CLCN5: variants seen among roughly 807,000 people sequenced by gnomAD.
CLCN5 encodes H(+)/Cl(-) exchange transporter 5.
A neutral mutation model predicts 54.0 loss-of-function variants in CLCN5; 17 were observed. The observed-to-expected ratio is 0.31, with a 90% CI of 0.22 to 0.47. The LOEUF is 0.47. CLCN5 is among the 20% of genes least tolerant of loss of function. The pLI is 1.00. For synonymous variants in CLCN5, 222 were observed against 233.0 expected, an observed-to-expected ratio of 0.95 and a Z score of 0.43; for missense variants, 448 against 646.7, an observed-to-expected ratio of 0.69 and a Z score of 3.33.
intron 4 of CLCN5, among the ~76,000 whole-genome samples, chrX:50,068,898 G>A (rs1260441990): frequency 8.9e-6 from 1 of 112,097 alleles, no homozygotes; most frequent in Non-Finnish European, 1.9e-5. Flanking sequence ...TGTATTTTGT[G>A]TTTAATAGCA....
intron 3 of CLCN5, among the ~76,000 whole-genome samples, chrX:49,993,102 T>C (rs1005047295): frequency 4.5e-5 from 5 of 111,438 alleles, no homozygotes; most frequent in Non-Finnish European, 9.4e-5. Context: ...CCCAGTGGAT[T>C]TGGGTCTCTT....
intron 3 of CLCN5, among the ~76,000 whole-genome samples, chrX:49,988,511 A>G (rs1337948628): frequency 9.0e-6 from 1 of 110,609 alleles, no homozygotes; most frequent in Admixed American, 9.7e-5. Context: ...CACCTCATTT[A>G]TCCGTCCTTA....
chrX:50,016,520 A>C (rs1557183564), intron 3 of CLCN5, among the ~76,000 whole-genome samples: 1 of 109,702 alleles, frequency 9.1e-6, no homozygotes, highest in African/African-American at 3.3e-5. Context: ...AGACATTATT[A>C]TTAAATAATA....
At chrX:49,987,838 G>A (rs958499458) in intron 3 of CLCN5, among the ~76,000 whole-genome samples, 1 of 111,597 alleles carries the variant, frequency 9.0e-6, no homozygotes, top group Non-Finnish European at 1.9e-5. Flanking sequence ...CTCAACCATG[G>A]TCCTGTGCAA....
chrX:50,031,473 TA>T lies in CLCN5; in HGVS notation c.17-10842del, dbSNP rs60855460. Among the ~76,000 whole-genome samples the T allele has an allele frequency of 7.0e-3, 780 of 111,243 alleles. 12 individuals are homozygous for T. Among genetic ancestry groups the T allele is most frequent in the African/African-American group, 0.025 (758 of 30,609 alleles). On this transcript the variant is annotated intron_variant, in intron 3 of 14. Coordinates refer to ENST00000376091, the MANE Select transcript of CLCN5 (RefSeq NM_001127898.4). ...AGTCTGTGAGTTATTGAGACCCTTTTAGGGGGTCTTTAAGGTCAAAACTATT... is the reference window on the plus strand; with the variant it reads ...AGTCTGTGAGTTATTGAGACCCTTTTGGGGGTCTTTAAGGTCAAAACTATT...
At chrX:49,982,214 C>G (rs1928770331) in intron 3 of CLCN5, among the ~76,000 whole-genome samples, 1 of 110,613 alleles carries the variant, frequency 9.0e-6, no homozygotes, top group Non-Finnish European at 1.9e-5. Context: ...GCCTTCTGCC[C>G]CTGATGGGAG....
In CLCN5 at chrX:50,099,157, G is replaced by T. The variant is rs1251210519; in HGVS notation, c.*6938G>T. The T allele has an allele frequency of 8.9e-6, 1 of 112,529 alleles. No individual in the cohort carries two copies. The highest frequency in any genetic ancestry group is 1.9e-5 in the Non-Finnish European group (1 of 53,244). 9.3% of individuals were successfully genotyped at this position (112,529 alleles called of 1,213,427 possible). Reference sequence around the variant, plus strand: ...CTTTCTCTGTGTGGCTTAAACCCAGGTCGCCATTGCTTTATACATTTTCAC... The same window carrying T: ...CTTTCTCTGTGTGGCTTAAACCCAGTTCGCCATTGCTTTATACATTTTCAC... On this transcript the variant is annotated 3_prime_UTR_variant, in exon 15 of 15. Coordinates refer to ENST00000376091, the MANE Select transcript of CLCN5 (RefSeq NM_001127898.4).
intron 4 of CLCN5, chrX:50,067,572 G>T (rs1206006647): frequency 1.3e-6 from 1 of 752,485 alleles, no homozygotes; most frequent in Non-Finnish European, 1.6e-6. Context: ...CATTCTGACC[G>T]CCAGGGAACA....
In CLCN5 at chrX:49,978,525, C is replaced by A. The variant is rs1470310372; in HGVS notation, c.16+53211C>A. 4.5e-5 allele frequency among the ~76,000 whole-genome samples: 5 copies of A among 112,343 alleles called. No individual in the cohort carries two copies. In the Admixed American group the frequency reaches 4.7e-4, roughly 11 times the overall value. On this transcript the variant is annotated intron_variant, in intron 3 of 14. Coordinates refer to ENST00000376091, the MANE Select transcript of CLCN5 (RefSeq NM_001127898.4). The stretch of plus-strand genomic sequence containing the variant: ...TAAAAATAAAAGTGTTATATTAGAG[C>A]ATGTCTAAGATTTCTTCTACAAATA...
rs1422138688 is a variant in CLCN5, at chrX:49,940,870, A to T, written c.16+15556A>T. ...TTCTGGGAGCTATGGTCCTAGAAATACAGAATAACTAAAAGCACAGGTTCT... is the reference window on the plus strand; with the variant it reads ...TTCTGGGAGCTATGGTCCTAGAAATTCAGAATAACTAAAAGCACAGGTTCT... On this transcript the variant is annotated intron_variant, in intron 3 of 14. Coordinates refer to ENST00000376091, the MANE Select transcript of CLCN5 (RefSeq NM_001127898.4). Among the ~76,000 whole-genome samples the T allele has an allele frequency of 3.6e-5, 4 of 111,471 alleles. No individual in the cohort carries two copies. The Admixed American group carries it at 3.8e-4, about 11-fold the overall frequency.
chrX:50,086,754 A>G lies in CLCN5; in HGVS notation c.1441A>G (p.Lys481Glu). The G allele has an allele frequency of 8.3e-7, 1 of 1,211,329 alleles. No individual in the cohort carries two copies. Among genetic ancestry groups the G allele is most frequent in the African/African-American group, 1.7e-5 (1 of 57,657 alleles). ...CDYENRFNTSKGGELPDRPAG... is the reference protein window; with the variant it reads ...CDYENRFNTSEGGELPDRPAG... ...TTATGAGAACCGTTTCAACACAAGC[A>G]AAGGGGGTGAACTGCCTGACAGACC... Residue 481 changes from lysine (K) to glutamate (E), a missense_variant, in exon 11 of 15, where the codon AAA becomes GAA. Lys to Glu is a moderately conservative substitution (Grantham distance 56, BLOSUM62 1). This residue lies in a region of CLCN5 where 297 missense variants were observed against 470.4 expected (regional missense o/e 0.63). Transcript: ENST00000376091.
chrX:49,956,589 G>A (rs1022093860), intron 3 of CLCN5, among the ~76,000 whole-genome samples: 22 of 111,852 alleles, frequency 2.0e-4, no homozygotes, highest in African/African-American at 5.8e-4. Context: ...CACTGTGGCT[G>A]CACAGAGGAA....
intron 4 of CLCN5, among the ~76,000 whole-genome samples, chrX:50,060,309 G>T (rs1440023734): frequency 9.0e-6 from 1 of 110,677 alleles, no homozygotes; most frequent in African/African-American, 3.3e-5. Flanking sequence ...CGCACCGTGC[G>T]CGAGCTGAAG....
At chrX:49,963,906 T>C (rs781916684) in intron 3 of CLCN5, among the ~76,000 whole-genome samples, 1 of 112,306 alleles carries the variant, frequency 8.9e-6, no homozygotes, top group Non-Finnish European at 1.9e-5. Context: ...GGCAAATTCA[T>C]TGAAGCTTGT....
chrX:50,086,538 A>AC lies in CLCN5; in HGVS notation c.1226dup (p.Asn410LysfsTer36). 8.3e-7 allele frequency: 1 copy of AC among 1,211,166 alleles called. No individual in the cohort carries two copies. Among genetic ancestry groups the AC allele is most frequent in the Non-Finnish European group, 1.1e-6 (1 of 895,455 alleles). ...TCTGTGGGGAGCACTGTTTATCCGC[A>AC]CAAACATTGCCTGGTGTCGGAAGCG... is the stretch of plus-strand genomic sequence containing the variant. On this transcript the variant is annotated frameshift_variant, in exon 11 of 15. Coordinates refer to ENST00000376091, the MANE Select transcript of CLCN5 (RefSeq NM_001127898.4). LOFTEE classifies it high-confidence loss of function.
At position 50,069,466 on chromosome X, in the gene CLCN5, A is replaced by T. The variant is rs889240930; in HGVS notation, c.164-413A>T. On this transcript the variant is annotated intron_variant, in intron 4 of 14. Coordinates refer to ENST00000376091, the MANE Select transcript of CLCN5 (RefSeq NM_001127898.4). Reference sequence around the variant, plus strand: ...AGCCAGGCAAAAACCACTTCATAGGATTGAATTATTGCCTTATAAATGTAA... The same window carrying T: ...AGCCAGGCAAAAACCACTTCATAGGTTTGAATTATTGCCTTATAAATGTAA... 10 of 755,509 alleles carry T rather than the reference A, an allele frequency of 1.3e-5. No homozygotes were observed. The African/African-American group carries it at 2.3e-4, about 17-fold the overall frequency. 62.3% of individuals were successfully genotyped at this position (755,509 alleles called of 1,213,427 possible).
At chrX:50,080,226 G>C (rs781802498) in intron 7 of CLCN5, among the ~76,000 whole-genome samples, 1 of 110,992 alleles carries the variant, frequency 9.0e-6, no homozygotes, top group African/African-American at 3.3e-5. Flanking sequence ...AAAAAAGCTG[G>C]GGGGGTGCTC....
intron 3 of CLCN5, among the ~76,000 whole-genome samples, chrX:49,945,604 G>GTTTTTTTTTTTTTT (rs1162822439): frequency 2.1e-4 from 15 of 71,139 alleles, no homozygotes; most frequent in Admixed American, 3.5e-4. Context: ...CGCCCAGCTA[G>GTTTTTTTTTTTTTT]TTTTTTTTTT....
At position 50,086,460 on chromosome X, in the gene CLCN5, C is replaced by G; in HGVS notation, c.1147C>G (p.Pro383Ala). The change falls in exon 11 of 15, where the codon CCA becomes GCA. Residue 383 changes from proline (P) to alanine (A), a missense_variant. This residue lies in a region of CLCN5 where 297 missense variants were observed against 470.4 expected (regional missense o/e 0.63). Transcript: ENST00000376091. ...LVLFYVEFHTPWHLFELVPFI... is the reference protein window; with the variant it reads ...LVLFYVEFHTAWHLFELVPFI... ...ACTATTTTATGTGGAGTTTCACACC[C>G]CATGGCATCTCTTTGAGCTCGTGCC... 1.7e-6 allele frequency: 2 copies of G among 1,211,322 alleles called. No individual in the cohort carries two copies. Among genetic ancestry groups the G allele is most frequent in the African/African-American group, 1.7e-5 (1 of 57,687 alleles).
Sources: gnomAD v4.1 joint callset for allele counts (sites outside exome capture counted in the v4.1 genomes callset) on GRCh38, gnomAD v4.1.1 for gene constraint, gnomAD v4.1.1 regional missense constraint, MANE v1.5 for transcripts, NCBI Gene and HGNC (gene_info 2026-07-23, HGNC 2026-07-21) for gene names.